The following MYOM3 variants were observed in gnomAD, a reference collection of about 807,000 sequenced individuals.
MYOM3 encodes the protein myomesin-3.
MYOM3 carries 155 observed loss-of-function variants against 191.7 expected under a neutral mutation model. The ratio of observed to expected loss-of-function variants is 0.81; its 90% CI spans 0.71 to 0.92. MYOM3 has a LOEUF of 0.92. Among genes scored for constraint, MYOM3 ranks in the 40% least tolerant of loss-of-function variants. MYOM3 has a pLI of 0.00. For synonymous variants in MYOM3, 757 were observed against 762.9 expected (o/e 0.99, Z 0.13); for missense variants, 1,889 against 1,890.6 (o/e 1.00, Z 0.02).
intron 6 of MYOM3, among the ~76,000 whole-genome samples, chr1:24,098,625 T>C (rs1017886364): frequency 6.6e-6 from 1 of 152,192 alleles, no homozygotes; most frequent in Non-Finnish European, 1.5e-5. Flanking sequence ...GGCCCCTTGG[T>C]GCCTCCTTTT....
chr1:24,057,428 G>C lies in MYOM3; in HGVS notation c.4250C>G (p.Thr1417Arg). ...GAACACACTGATGGTGACCTGGCCC[G>C]TCTCGGAGCCATACTTGTTCTTGAC... ...VFVKNKYGSE[T>R]GQVTISVFKH... is the part of the protein sequence containing the mutation. The change falls in exon 37 of 37, where the codon ACG becomes AGG. Residue 1417 changes from threonine to arginine, a missense_variant. Coordinates refer to ENST00000374434, the MANE Select transcript of MYOM3 (RefSeq NM_152372.4). The C allele has an allele frequency of 6.2e-7, 1 of 1,614,138 alleles. No homozygotes were observed. The highest frequency in any genetic ancestry group is 8.5e-7 in the Non-Finnish European group (1 of 1,180,032).
Position 24,111,444 on chromosome 1 carries a change from G to A in MYOM3, c.-19+587C>T, listed in dbSNP as rs1036560915. ...CGGCGGGTGGCACAGGCTGGGACGT[G>A]TTCTTAGCCAGTGGCTCCACCAGCT... On this transcript the variant is annotated intron_variant, in intron 1 of 36. Coordinates refer to ENST00000374434, the MANE Select transcript of MYOM3 (RefSeq NM_152372.4). This position sits in a 1 kb window ranked among gnomAD's most constrained non-coding sequence, Gnocchi z 4.7. Among the ~76,000 whole-genome samples the A allele has an allele frequency of 1.3e-5, 2 of 152,218 alleles. No individual in the cohort carries two copies. Among genetic ancestry groups the A allele is most frequent in the African/African-American group, 4.8e-5 (2 of 41,444 alleles).
rs1392361810 is a variant in MYOM3, at chr1:24,066,476, T to TC, written c.3424-476dup. 5 of 528,960 alleles carry TC rather than the reference T, an allele frequency of 9.5e-6. No individual in the cohort carries two copies. The African/African-American group carries it at 9.6e-5, about 10-fold the overall frequency. The allele number at this position is 528,960 out of a possible 1,614,324, so 32.8% of individuals were successfully genotyped here. A position where few individuals can be genotyped will look rare whatever the true frequency, so the allele number is the denominator to read the frequency against. On this transcript the variant is annotated intron_variant, in intron 28 of 36. Coordinates refer to ENST00000374434, the MANE Select transcript of MYOM3 (RefSeq NM_152372.4). ...TATGCTTCTGGGAGAGCACCCACCC[T>TC]CCCCTTCCCCAGTTATCTAAACAGG...
rs766813514 is a variant in MYOM3 at position 24,068,021 on chromosome 1, T to G, written c.3304A>C (p.Lys1102Gln). The change falls in exon 27 of 37, where the codon AAG (lysine) becomes CAG (glutamine). Residue 1102 changes from lysine to glutamine, a missense_variant. Coordinates refer to ENST00000374434, the MANE Select transcript of MYOM3 (RefSeq NM_152372.4). Reference sequence around the variant, plus strand: ...TTAGCATCTGCCTTCCTCAGAAGCTTGTCAAAATCTGTGAACACAGAGGGA... The same window carrying G: ...TTAGCATCTGCCTTCCTCAGAAGCTGGTCAAAATCTGTGAACACAGAGGGA... ...TLTLVDDDFD[K>Q]LLRKADAKRR... 1 of 1,614,168 alleles carries G rather than the reference T, an allele frequency of 6.2e-7. No homozygotes were observed. Among genetic ancestry groups the G allele is most frequent in the Non-Finnish European group, 8.5e-7 (1 of 1,180,006 alleles).
intron 33 of MYOM3, among the ~76,000 whole-genome samples, chr1:24,061,658 C>T (rs11249068): frequency 2.0e-5 from 3 of 152,122 alleles, no homozygotes; most frequent in African/African-American, 7.2e-5. Flanking sequence ...CAGCTCATTG[C>T]AGCCTCTATC....
chr1:24,084,582 G>T lies in MYOM3; in HGVS notation c.1856C>A (p.Ser619Tyr). Reference sequence around the variant, plus strand: ...GTCTTTCACAGGATCCCATGTCAGGGAGACAGAGGTCTGTGTGTCTCTGAA... The same window carrying T: ...GTCTTTCACAGGATCCCATGTCAGGTAGACAGAGGTCTGTGTGTCTCTGAA... ...QAFRDTQTSV[S>Y]LTWDPVKDPE... The change falls in exon 16 of 37, where the codon TCC becomes TAC. Residue 619 changes from serine (S) to tyrosine (Y), a missense_variant. Transcript: ENST00000374434. 1 of 1,614,100 alleles carries T rather than the reference G, an allele frequency of 6.2e-7. No homozygotes were observed. Among genetic ancestry groups the T allele is most frequent in the African/African-American group, 1.3e-5 (1 of 75,014 alleles).
rs781042527 is a variant in MYOM3 at position 24,080,208 on chromosome 1, G to A, written c.2408-14C>T. On this transcript the variant is annotated splice_polypyrimidine_tract_variant and intron_variant, in intron 19 of 36. Coordinates refer to ENST00000374434, the MANE Select transcript of MYOM3 (RefSeq NM_152372.4). ...CGTACGGGGGGCCTGTGACAAGTGA[G>A]AGATGGGAAGAGATGTGTGAGTTGG... is the stretch of plus-strand genomic sequence containing the variant. 30 of 1,587,868 alleles carry A rather than the reference G, an allele frequency of 1.9e-5. No individual in the cohort carries two copies. The highest frequency in any genetic ancestry group is 2.0e-5 in the Non-Finnish European group (23 of 1,165,032).
intron 7 of MYOM3, among the ~76,000 whole-genome samples, 172 bp downstream of exon 7, chr1:24,097,751 T>C (rs3885698): frequency 0.46 from 69,474 of 152,072 alleles, 16,672 homozygotes; most frequent in African/African-American, 0.6. Flanking sequence ...TCGCTTGCTG[T>C]GAAGGCCCCC....
In MYOM3 at chr1:24,063,083, TC is replaced by T. The variant is rs777927497; in HGVS notation, c.3770+42del. On this transcript the variant is annotated intron_variant, in intron 32 of 36. Coordinates refer to ENST00000374434, the MANE Select transcript of MYOM3 (RefSeq NM_152372.4). This position sits in a 1 kb window ranked among gnomAD's most constrained non-coding sequence, Gnocchi z 4.5. ...AGGCCCCCATGGGTCAGGTGCTGAA[TC>T]CTTTCCAGCCTGGCTGGGGTTCTGG... 82 of 1,410,898 alleles carry T rather than the reference TC, an allele frequency of 5.8e-5. No individual in the cohort carries two copies. Among genetic ancestry groups the T allele is most frequent in the Non-Finnish European group, 8.0e-5 (80 of 997,364 alleles). The allele number at this position is 1,410,898 out of a possible 1,614,324, so 87.4% of individuals were successfully genotyped here.
At chr1:24,061,247 C>T in intron 34 of MYOM3, 26 bp downstream of exon 34, 1 of 1,613,930 alleles carries the variant, frequency 6.2e-7, no homozygotes, top group South Asian at 1.1e-5. Flanking sequence ...CTATAATTCA[C>T]ACTGAGAAAT....
chr1:24,058,102 C>T (rs955596374), intron 36 of MYOM3, among the ~76,000 whole-genome samples: 4 of 152,158 alleles, frequency 2.6e-5, no homozygotes, highest in East Asian at 1.9e-4. Flanking sequence ...CCACTGTGCC[C>T]GGGCATTCTC....
chr1:24,072,872 C>T (rs1026542073), intron 23 of MYOM3, among the ~76,000 whole-genome samples: 5 of 152,120 alleles, frequency 3.3e-5, no homozygotes, highest in Admixed American at 1.3e-4. Context: ...CCTGCTAAGG[C>T]GAGCTCTGAA....
At chr1:24,060,882 G>C (rs557399274) in intron 35 of MYOM3, among the ~76,000 whole-genome samples, 178 bp downstream of exon 35, 64 of 152,116 alleles carry the variant, frequency 4.2e-4, no homozygotes, top group African/African-American at 1.5e-3. Context: ...ACAATCCCAG[G>C]TGTCCTCGGA....
intron 14 of MYOM3, 102 bp from the exon 15 acceptor site, chr1:24,086,929 A>T (rs139921830): frequency 7.9e-7 from 1 of 1,266,722 alleles, no homozygotes; most frequent in Non-Finnish European, 1.1e-6. Flanking sequence ...TGCTCTCATG[A>T]TCCTCTATAC....
At position 24,061,940 on chromosome 1, in the gene MYOM3, G is replaced by A; in HGVS notation, c.3934+6C>T. 1.9e-6 allele frequency: 3 copies of A among 1,614,054 alleles called. No individual in the cohort carries two copies. Among genetic ancestry groups the A allele is most frequent in the Non-Finnish European group, 2.5e-6 (3 of 1,179,960 alleles). The stretch of plus-strand genomic sequence containing the variant: ...GTTTCCCTGCAGACATAGGTGGATG[G>A]CTCACCTTGCCCTGAGAGATCTGTT... On this transcript the variant is annotated splice_donor_region_variant and intron_variant, in intron 33 of 36. Coordinates refer to ENST00000374434, the MANE Select transcript of MYOM3 (RefSeq NM_152372.4).
intron 35 of MYOM3, 81 bp downstream of exon 35, chr1:24,060,979 C>T: frequency 7.8e-6 from 12 of 1,537,904 alleles, no homozygotes; most frequent in Non-Finnish European, 1.1e-5. Flanking sequence ...AGGCCTTCAG[C>T]AGCCCACCAA....
At chr1:24,073,983 C>T (rs959351201) in intron 23 of MYOM3, among the ~76,000 whole-genome samples, 177 bp downstream of exon 23, 1 of 151,790 alleles carries the variant, frequency 6.6e-6, no homozygotes, top group African/African-American at 2.4e-5. Context: ...GCCTACCTGG[C>T]CTGTGGCAGG....
intron 9 of MYOM3, among the ~76,000 whole-genome samples, chr1:24,094,498 C>T (rs1643868167): frequency 6.6e-6 from 1 of 152,096 alleles, no homozygotes; most frequent in Non-Finnish European, 1.5e-5. Flanking sequence ...GGTAATGATG[C>T]ATGCAAATGG....
At position 24,107,970 on chromosome 1, in the gene MYOM3, C is replaced by T. The variant is rs1404457992; in HGVS notation, c.242+23G>A. 5 of 1,605,832 alleles carry T rather than the reference C, an allele frequency of 3.1e-6. No individual in the cohort carries two copies. The African/African-American group carries it at 6.7e-5, about 22-fold the overall frequency. On this transcript the variant is annotated intron_variant, in intron 3 of 36. Coordinates refer to ENST00000374434, the MANE Select transcript of MYOM3 (RefSeq NM_152372.4). ...GATGGCCCCTCCTCAGCCACGGCTC[C>T]CTGGGAAGCTTCTCTGACTCACCAA...
Sources: allele counts gnomAD v4.1 joint callset (sites outside exome capture counted in the v4.1 genomes callset), GRCh38; gene constraint gnomAD v4.1.1; non-coding constraint Gnocchi (gnomAD v3.1); transcripts MANE v1.5; gene names NCBI Gene and HGNC (gene_info 2026-07-23, HGNC 2026-07-21).